Variants in PTPRN2 observed in about 807,000 individuals in gnomAD.
PTPRN2 encodes receptor-type tyrosine-protein phosphatase N2.
Under a neutral mutation model 118.8 loss-of-function variants are expected in PTPRN2, and 74 were observed. The observed-to-expected ratio is 0.62, with a 90% CI of 0.52 to 0.76. The LOEUF (loss-of-function observed/expected upper bound fraction) is 0.76, where lower values mean the gene tolerates loss of function less well. Ranked by LOEUF, PTPRN2 falls within the 30% of genes least tolerant of loss-of-function variation. The pLI, the probability that PTPRN2 is intolerant of heterozygous loss-of-function variation, is 0.00. For missense variants in PTPRN2, 1,481 were observed against 1,394.4 expected (o/e 1.06, Z -0.99); for synonymous variants, 641 against 608.0 (o/e 1.05, Z -0.80).
At chr7:157,644,579 C>T (rs1416053851) in intron 14 of PTPRN2, among the ~76,000 whole-genome samples, 7 of 152,254 alleles carry the variant, frequency 4.6e-5, no homozygotes, top group South Asian at 2.1e-4. Flanking sequence ...AGGCGGATCA[C>T]GAGGTCAGGA....
At chr7:157,720,349 C>T (rs577952929) in intron 12 of PTPRN2, among the ~76,000 whole-genome samples, 3 of 152,232 alleles carry the variant, frequency 2.0e-5, no homozygotes, top group Non-Finnish European at 4.4e-5. Context: ...AATGTCCGAC[C>T]TCTGGGGCCC....
chr7:158,259,809 T>C (rs1416074857), intron 3 of PTPRN2, among the ~76,000 whole-genome samples: 15 of 147,716 alleles, frequency 1.0e-4, no homozygotes, highest in South Asian at 8.7e-4. Flanking sequence ...TTTGTCCACG[T>C]GTCCCTTTGT....
At chr7:158,253,824 G>A (rs536719977) in intron 3 of PTPRN2, among the ~76,000 whole-genome samples, 19 of 152,268 alleles carry the variant, frequency 1.2e-4, no homozygotes, top group South Asian at 4.1e-4. Context: ...ACAGATTCTC[G>A]AGCCGCTGGC....
chr7:157,933,002 T>G (rs1799465591), intron 11 of PTPRN2, among the ~76,000 whole-genome samples: 3 of 146,214 alleles, frequency 2.1e-5, no homozygotes, highest in Non-Finnish European at 4.5e-5. Flanking sequence ...GACTGACAGT[T>G]TTAGAGGAGG....
rs1584927513 is a variant in PTPRN2 at position 157,874,781 on chromosome 7, ACACT to A, written c.1788+23888_1788+23891del. Among the ~76,000 whole-genome samples, 4 of 151,682 alleles carry A rather than the reference ACACT, an allele frequency of 2.6e-5. No homozygotes were observed. The highest frequency in any genetic ancestry group is 1.9e-4 in the East Asian group (1 of 5,150). On this transcript the variant is annotated intron_variant, in intron 12 of 22. Transcript: ENST00000389418. The surrounding 1 kb of genome is among the most constrained non-coding windows in gnomAD (Gnocchi z 5.8). Reference sequence around the variant, plus strand: ...CACACTCATGCACACACACACGAACACACTCATACACATATACACACAGAGACAC... The same window carrying A: ...CACACTCATGCACACACACACGAACACATACACATATACACACAGAGACAC...
chr7:158,376,346 G>T (rs113169283), intron 2 of PTPRN2, among the ~76,000 whole-genome samples: 15 of 149,858 alleles, frequency 1.0e-4, no homozygotes, highest in African/African-American at 3.7e-4. Flanking sequence ...CTGCACGTGG[G>T]GTTAGGGGAC....
intron 11 of PTPRN2, among the ~76,000 whole-genome samples, chr7:157,982,847 G>A (rs1803402297): frequency 7.7e-6 from 1 of 129,886 alleles, no homozygotes; most frequent in South Asian, 2.7e-4. Flanking sequence ...TCACAGAGAT[G>A]AGGAGGGGAA....
At chr7:157,589,044 G>A (rs1420594705) in intron 17 of PTPRN2, among the ~76,000 whole-genome samples, 1 of 152,142 alleles carries the variant, frequency 6.6e-6, no homozygotes, top group Non-Finnish European at 1.5e-5. Context: ...AACCGTCACC[G>A]TCACCACGCT....
rs181645432 is a variant in PTPRN2 at position 158,006,852 on chromosome 7, G to C, written c.1723+74446C>G. On this transcript the variant is annotated intron_variant, in intron 11 of 22. Transcript: ENST00000389418. ...GACAGGAAACCCCATGGACACCCCA[G>C]CTCCATCATGCGGTCATGACATTTT... Among the ~76,000 whole-genome samples, 47 of 152,294 alleles carry C rather than the reference G, an allele frequency of 3.1e-4. 1 individual carries two copies. The highest frequency in any genetic ancestry group is 6.8e-3 in the Middle Eastern group (2 of 294).
At chr7:158,149,089 C>T (rs1820586620) in intron 6 of PTPRN2, among the ~76,000 whole-genome samples, 1 of 148,558 alleles carries the variant, frequency 6.7e-6, no homozygotes, top group South Asian at 2.1e-4. Context: ...TCACTGACAC[C>T]CCATCTCACG....
At chr7:158,118,685 C>T (rs1816918011) in intron 9 of PTPRN2, among the ~76,000 whole-genome samples, 1 of 152,180 alleles carries the variant, frequency 6.6e-6, no homozygotes, top group Non-Finnish European at 1.5e-5. Flanking sequence ...TAACTATAAG[C>T]ATAAACATGA....
rs144103267 is a variant in PTPRN2 at position 157,583,495 on chromosome 7, C to A, written c.2497-5355G>T. ...CACACACAAAGAAACGGTAACTACGCGAGGAGACGTGTATTCATTAGCTTG... is the reference window on the plus strand; with the variant it reads ...CACACACAAAGAAACGGTAACTACGAGAGGAGACGTGTATTCATTAGCTTG... On this transcript the variant is annotated intron_variant, in intron 17 of 22. Coordinates refer to ENST00000389418, the MANE Select transcript of PTPRN2 (RefSeq NM_002847.5). The surrounding 1 kb of genome is among the most constrained non-coding windows in gnomAD (Gnocchi z 5.5). Among the ~76,000 whole-genome samples the A allele has an allele frequency of 6.6e-6, 1 of 152,114 alleles. No homozygotes were observed. Among genetic ancestry groups the A allele is most frequent in the African/African-American group, 2.4e-5 (1 of 41,422 alleles).
chr7:158,288,055 T>C (rs1000244188), intron 3 of PTPRN2, among the ~76,000 whole-genome samples: 5 of 152,198 alleles, frequency 3.3e-5, no homozygotes, highest in African/African-American at 4.8e-5. Context: ...TTTATCACTG[T>C]ATAATGACTT....
At chr7:157,660,088 G>T (rs965279458) in intron 13 of PTPRN2, among the ~76,000 whole-genome samples, 1 of 152,124 alleles carries the variant, frequency 6.6e-6, no homozygotes, top group Non-Finnish European at 1.5e-5. Flanking sequence ...TTTGCTTGAC[G>T]TGGGGGAAAA....
At chr7:157,968,611 C>A (rs913413316) in intron 11 of PTPRN2, among the ~76,000 whole-genome samples, 4 of 152,182 alleles carry the variant, frequency 2.6e-5, no homozygotes, top group Non-Finnish European at 5.9e-5. Context: ...GGGCTGGGCT[C>A]CTCAGACCTG....
intron 11 of PTPRN2, chr7:158,027,302 C>A (rs1003305858): frequency 3.3e-5 from 5 of 152,236 alleles, no homozygotes; most frequent in Non-Finnish European, 7.3e-5. Flanking sequence ...GGAGGAAATA[C>A]TCTCAAATGA....
At chr7:157,993,540 G>C (rs1373769808) in intron 11 of PTPRN2, among the ~76,000 whole-genome samples, 2 of 152,192 alleles carry the variant, frequency 1.3e-5, no homozygotes, top group Admixed American at 6.5e-5. Context: ...TGAGGGCTCA[G>C]GAAACATGGG....
At chr7:158,007,830 G>A (rs1805743008) in intron 11 of PTPRN2, among the ~76,000 whole-genome samples, 1 of 147,294 alleles carries the variant, frequency 6.8e-6, no homozygotes, top group South Asian at 2.2e-4. Flanking sequence ...TATACATGTG[G>A]GGGTGTGTGG....
intron 21 of PTPRN2, among the ~76,000 whole-genome samples, chr7:157,552,732 G>A (rs576701643): frequency 1.3e-5 from 2 of 152,332 alleles, no homozygotes; most frequent in South Asian, 2.1e-4. Flanking sequence ...TGGGGTTGCC[G>A]ACAGACGTCG....
Sources: gnomAD v4.1 joint callset for allele counts (sites outside exome capture counted in the v4.1 genomes callset) on GRCh38, gnomAD v4.1.1 for gene constraint, Gnocchi (gnomAD v3.1) non-coding constraint, MANE v1.5 for transcripts, NCBI Gene and HGNC (gene_info 2026-07-23, HGNC 2026-07-21) for gene names.